THSD7B: variants seen among roughly 807,000 people sequenced by gnomAD.
THSD7B encodes thrombospondin type-1 domain-containing protein 7B.
THSD7B carries 138 observed loss-of-function variants against 213.6 expected under a neutral mutation model. The ratio of observed to expected loss-of-function variants is 0.65; its 90% CI spans 0.56 to 0.74. The LOEUF is 0.74. Among genes scored for constraint, THSD7B ranks in the 30% least tolerant of loss-of-function variants. THSD7B has a pLI of 0.00. For synonymous variants in THSD7B, 742 were observed against 687.0 expected, an observed-to-expected ratio of 1.08 and a Z score of -1.25; for missense variants, 1,931 against 1,991.5, an observed-to-expected ratio of 0.97 and a Z score of 0.58.
intron 1 of THSD7B, among the ~76,000 whole-genome samples, chr2:136,881,232 A>C (rs1035629773): frequency 2.0e-5 from 3 of 152,100 alleles, no homozygotes; most frequent in Admixed American, 2.0e-4. Context: ...CCACTTTCTT[A>C]ATACTACTGT....
intron 12 of THSD7B, among the ~76,000 whole-genome samples, chr2:137,327,379 T>C (rs999468848): frequency 5.9e-5 from 9 of 152,234 alleles, no homozygotes; most frequent in African/African-American, 1.9e-4. Context: ...AAATTTTGTT[T>C]ATAATATGAT....
At position 137,120,447 on chromosome 2, in the gene THSD7B, G is replaced by A. The variant is rs930554120; in HGVS notation, c.1369+5154G>A. Among the ~76,000 whole-genome samples the A allele has an allele frequency of 5.3e-5, 8 of 151,474 alleles. No individual in the cohort carries two copies. In the South Asian group the frequency reaches 6.3e-4, roughly 12 times the overall value. On this transcript the variant is annotated intron_variant, in intron 5 of 27. Coordinates refer to ENST00000409968, the MANE Select transcript of THSD7B (RefSeq NM_001316349.2). ...GGAGGAAGAAAAAGAAGGGGAAGGA[G>A]GAGGAAAGATGAAGGAGGAGGAGGA...
At position 137,236,192 on chromosome 2, in the gene THSD7B, G is replaced by T. The variant is rs1321342898; in HGVS notation, c.2150+3059G>T. ...GGGATAGAGAAATGGAAAGGAAGAA[G>T]AAAATATCCTAGAGAAAGAGTGGCC... On this transcript the variant is annotated intron_variant, in intron 9 of 27. Transcript: ENST00000409968. 2.0e-5 allele frequency among the ~76,000 whole-genome samples: 3 copies of T among 152,198 alleles called. No homozygotes were observed. The East Asian group carries it at 5.8e-4, about 29-fold the overall frequency.
chr2:137,365,834 G>A (rs1333537690), intron 12 of THSD7B, among the ~76,000 whole-genome samples: 1 of 152,136 alleles, frequency 6.6e-6, no homozygotes, highest in Non-Finnish European at 1.5e-5. Context: ...TCAGTGTGGC[G>A]ATCCCTCAGG....
intron 15 of THSD7B, among the ~76,000 whole-genome samples, chr2:137,455,600 A>G (rs1477039285): frequency 1.3e-5 from 2 of 152,170 alleles, no homozygotes; most frequent in Non-Finnish European, 2.9e-5. Flanking sequence ...AATGACAGCA[A>G]TACTCGAGTA....
At chr2:136,827,721 A>C (rs1002166824) in intron 1 of THSD7B, among the ~76,000 whole-genome samples, 2 of 152,086 alleles carry the variant, frequency 1.3e-5, no homozygotes, top group East Asian at 3.9e-4. Context: ...AGATGTAACC[A>C]TTGGTTATCA....
At position 136,906,556 on chromosome 2, in the gene THSD7B, T is replaced by A. The variant is rs147246290; in HGVS notation, c.139+24239T>A. The A allele has an allele frequency of 1.1e-4, 16 of 152,268 alleles. No homozygotes were observed. In the East Asian group the frequency reaches 2.5e-3, roughly 24 times the overall value. The allele number at this position is 152,268 out of a possible 1,614,324, so 9.4% of individuals were successfully genotyped here. The stretch of plus-strand genomic sequence containing the variant: ...ATAAGTCTTGAATTCGTTGATGATG[T>A]TAACAAAAAAGTGAGTATGGATTCA... On this transcript the variant is annotated intron_variant, in intron 2 of 27. Transcript: ENST00000409968.
In THSD7B at chr2:137,443,053, G is replaced by T. The variant is rs565194291; in HGVS notation, c.2960-7792G>T. ...TTTGCAGTAATGGGAAAAATAGCTA[G>T]TGTACGTACAGTCCTAACTGAACAG... On this transcript the variant is annotated intron_variant, in intron 14 of 27. Coordinates refer to ENST00000409968, the MANE Select transcript of THSD7B (RefSeq NM_001316349.2). Among the ~76,000 whole-genome samples the T allele has an allele frequency of 3.9e-5, 6 of 152,266 alleles. No homozygotes were observed. In the East Asian group the frequency reaches 9.7e-4, roughly 25 times the overall value.
intron 17 of THSD7B, among the ~76,000 whole-genome samples, chr2:137,580,487 A>T (rs1027118785): frequency 1.2e-4 from 19 of 152,342 alleles, no homozygotes; most frequent in African/African-American, 4.6e-4. Flanking sequence ...ACATACACCC[A>T]TATAATATAC....
intron 1 of THSD7B, among the ~76,000 whole-genome samples, chr2:136,833,321 G>A (rs1210244604): frequency 8.6e-6 from 1 of 116,336 alleles, no homozygotes; most frequent in Non-Finnish European, 1.6e-5. Flanking sequence ...CTGAGATAGT[G>A]CCACTGCAGT....
chr2:137,358,095 G>T (rs764711301), intron 12 of THSD7B, among the ~76,000 whole-genome samples: 99 of 152,050 alleles, frequency 6.5e-4, no homozygotes, highest in Admixed American at 1.2e-3. Flanking sequence ...TTGCCCTCAG[G>T]CACCAAACTT....
chr2:137,286,603 G>A (rs969034613), intron 12 of THSD7B, among the ~76,000 whole-genome samples: 4 of 151,610 alleles, frequency 2.6e-5, no homozygotes, highest in Non-Finnish European at 5.9e-5. Flanking sequence ...AGTCATTTCA[G>A]TTCATTCAGA....
intron 1 of THSD7B, among the ~76,000 whole-genome samples, chr2:136,856,146 G>A (rs1359853476): frequency 2.0e-5 from 3 of 152,178 alleles, no homozygotes; most frequent in Non-Finnish European, 2.9e-5. Flanking sequence ...GAAGAGCAGG[G>A]CACTTCTGTT....
chr2:136,814,060 C>G lies in THSD7B; in HGVS notation c.-36+48373C>G, dbSNP rs187768139. Among the ~76,000 whole-genome samples the G allele has an allele frequency of 2.3e-3, 352 of 152,274 alleles. 1 individual carries two copies. The highest frequency in any genetic ancestry group is 8.2e-3 in the African/African-American group (340 of 41,572). On this transcript the variant is annotated intron_variant, in intron 1 of 27. Transcript: ENST00000409968. ...CCCTGTGTTCTGTTGCATGCACTCT[C>G]CAGAACCACCAGTTGGGAACTTTGA...
chr2:136,871,082 A>G (rs1275898044), intron 1 of THSD7B, among the ~76,000 whole-genome samples: 1 of 152,172 alleles, frequency 6.6e-6, no homozygotes, highest in Non-Finnish European at 1.5e-5. Flanking sequence ...GAAGGATTTC[A>G]GGATGACTCC....
rs117417199 is a variant in THSD7B, at chr2:136,816,957, T to G, written c.-36+51270T>G. Among the ~76,000 whole-genome samples, 546 of 152,316 alleles carry G rather than the reference T, an allele frequency of 3.6e-3. 24 individuals are homozygous for G. In the East Asian group the frequency reaches 0.078, roughly 22 times the overall value. On this transcript the variant is annotated intron_variant, in intron 1 of 27. Coordinates refer to ENST00000409968, the MANE Select transcript of THSD7B (RefSeq NM_001316349.2). ...TGGACATATTGCTGAACTTTCTTAT[T>G]AATTCTAAAAGTATTGCAATTGATT...
chr2:137,481,188 A>G (rs1351449396), intron 15 of THSD7B, among the ~76,000 whole-genome samples: 2 of 152,228 alleles, frequency 1.3e-5, no homozygotes, highest in East Asian at 3.8e-4. Flanking sequence ...TGAATTGCCC[A>G]GTCTCAGGTA....
chr2:137,081,260 T>C (rs1344405195), intron 3 of THSD7B, among the ~76,000 whole-genome samples: 1 of 152,076 alleles, frequency 6.6e-6, no homozygotes. Flanking sequence ...TTGGGGGAAT[T>C]TGAGGGGTTA....
Position 137,360,354 on chromosome 2 carries a change from T to C in THSD7B, c.2501-45259T>C, listed in dbSNP as rs189963730. ...CAACTGAGGTACCTGGTTCATCTCA[T>C]TGGGACTGGTCAGACAGGGTGCACC... On this transcript the variant is annotated intron_variant, in intron 12 of 27. Transcript: ENST00000409968. Among the ~76,000 whole-genome samples the C allele has an allele frequency of 4.1e-3, 618 of 152,138 alleles. 3 individuals carry two copies. The highest frequency in any genetic ancestry group is 0.014 in the African/African-American group (561 of 41,504).
Sources: gnomAD v4.1 joint callset for allele counts (sites outside exome capture counted in the v4.1 genomes callset) on GRCh38, gnomAD v4.1.1 for gene constraint, MANE v1.5 for transcripts, NCBI Gene and HGNC (gene_info 2026-07-23, HGNC 2026-07-21) for gene names.